LINGO2: variants seen among roughly 807,000 people sequenced by gnomAD.
LINGO2 encodes the protein leucine-rich repeat and immunoglobulin-like domain-containing nogo receptor-interacting protein 2.
A neutral mutation model predicts 30.6 loss-of-function variants in LINGO2; 14 were observed. That is an observed-to-expected ratio of 0.46 (90% CI 0.30 to 0.72). The LOEUF (loss-of-function observed/expected upper bound fraction) is 0.72. Among genes scored for constraint, LINGO2 ranks in the 30% least tolerant of loss-of-function variants. LINGO2 has a pLI of 0.07. For synonymous variants in LINGO2, 317 were observed against 288.5 expected (o/e 1.10, Z -1.00); for missense variants, 729 against 751.7 (o/e 0.97, Z 0.35).
the LINGO2 span, among the ~76,000 whole-genome samples, chr9:29,151,993 A>T: frequency 6.6e-6 from 1 of 152,212 alleles, no homozygotes; most frequent in Non-Finnish European, 1.5e-5. Flanking sequence ...CCCACTAAAA[A>T]GTGGACAAAA....
At chr9:28,609,050 T>C (rs922952566) in intron 1 of LINGO2, among the ~76,000 whole-genome samples, 4 of 151,886 alleles carry the variant, frequency 2.6e-5, no homozygotes, top group African/African-American at 9.7e-5. Context: ...ATCAGATATG[T>C]CCATATACCT....
chr9:29,180,536 C>A, the LINGO2 span, among the ~76,000 whole-genome samples: 4 of 152,150 alleles, frequency 2.6e-5, no homozygotes, highest in African/African-American at 7.2e-5. Context: ...GTCTCTCCTG[C>A]ATTCTTAATC....
rs146124113 is a variant in LINGO2, at chr9:28,161,484, A to G, written c.-87+133724T>C. 2.6e-3 allele frequency among the ~76,000 whole-genome samples: 403 copies of G among 152,318 alleles called. 2 individuals are homozygous for G. The highest frequency in any genetic ancestry group is 6.8e-3 in the Middle Eastern group (2 of 294). On this transcript the variant is annotated intron_variant, in intron 4 of 5. Coordinates refer to ENST00000379992, the Ensembl canonical transcript of LINGO2. ...AAGTATATAATTTAAACACAACCTT[A>G]TTAAAAATTATTTAGTATAAGTGTA...
At chr9:28,222,844 C>A (rs572107268) in intron 4 of LINGO2, among the ~76,000 whole-genome samples, 2 of 151,886 alleles carry the variant, frequency 1.3e-5, no homozygotes, top group Non-Finnish European at 1.5e-5. Context: ...GAAGAGGGGG[C>A]GATTACATAC....
chr9:28,051,686 CCA>C (rs780171873), intron 4 of LINGO2, among the ~76,000 whole-genome samples: 5 of 152,070 alleles, frequency 3.3e-5, no homozygotes, highest in Admixed American at 6.6e-5. Context: ...TAGATTCCAA[CCA>C]CAGTCATTCA....
At chr9:29,031,889 A>G in the LINGO2 span, among the ~76,000 whole-genome samples, 1 of 152,178 alleles carries the variant, frequency 6.6e-6, no homozygotes, top group Non-Finnish European at 1.5e-5. Flanking sequence ...CTCCAGTTTC[A>G]ATTTCATAGG....
chr9:28,953,378 T>A, the LINGO2 span, among the ~76,000 whole-genome samples: 1 of 152,140 alleles, frequency 6.6e-6, no homozygotes, highest in Non-Finnish European at 1.5e-5. Flanking sequence ...ATATAAATTT[T>A]CATTTATCAT....
intron 4 of LINGO2, among the ~76,000 whole-genome samples, chr9:28,132,070 A>G (rs1338813807): frequency 1.3e-5 from 2 of 152,184 alleles, no homozygotes; most frequent in Non-Finnish European, 2.9e-5. Context: ...AAGTAGTATA[A>G]TTATACTTGT....
At chr9:28,616,555 A>T (rs1231481263) in intron 1 of LINGO2, among the ~76,000 whole-genome samples, 1 of 152,230 alleles carries the variant, frequency 6.6e-6, no homozygotes, top group Non-Finnish European at 1.5e-5. Context: ...AGTTTGAGCC[A>T]TGTGTATGAG....
chr9:28,369,315 T>G (rs1820808452), intron 3 of LINGO2, among the ~76,000 whole-genome samples: 1 of 152,222 alleles, frequency 6.6e-6, no homozygotes, highest in Admixed American at 6.5e-5. Flanking sequence ...TCTTGATTAC[T>G]TTGTCCTTGG....
At chr9:28,086,113 C>G (rs1825906325) in intron 4 of LINGO2, among the ~76,000 whole-genome samples, 1 of 152,162 alleles carries the variant, frequency 6.6e-6, no homozygotes, top group Non-Finnish European at 1.5e-5. Context: ...TAGCAGTTAA[C>G]AGTGGGAGGG....
the LINGO2 span, among the ~76,000 whole-genome samples, chr9:29,173,899 T>C: frequency 6.6e-6 from 1 of 152,148 alleles, no homozygotes; most frequent in African/African-American, 2.4e-5. Context: ...TTTACAACAT[T>C]GGCACACAGA....
At chr9:28,512,577 C>T (rs984019758) in intron 1 of LINGO2, among the ~76,000 whole-genome samples, 1 of 114,676 alleles carries the variant, frequency 8.7e-6, no homozygotes, top group Admixed American at 9.4e-5. Context: ...ACAGAACTAA[C>T]AGGATATATA....
chr9:28,117,194 G>C lies in LINGO2; in HGVS notation c.-86-104789C>G, dbSNP rs373564854. ...CATGTGAGGTGTCAGTGTGCCCCTG[G>C]TGGGGGGTGCCTCCCAGTTAGGCTG... is the stretch of plus-strand genomic sequence containing the variant. On this transcript the variant is annotated intron_variant, in intron 4 of 5. Coordinates refer to ENST00000379992, the Ensembl canonical transcript of LINGO2. Among the ~76,000 whole-genome samples the C allele has an allele frequency of 1.1e-3, 172 of 151,672 alleles. 2 individuals carry two copies. In the South Asian group the frequency reaches 0.011, roughly 10 times the overall value.
intron 3 of LINGO2, among the ~76,000 whole-genome samples, chr9:28,355,315 C>CTGTCTCTG (rs1564145615): frequency 1.4e-5 from 2 of 140,946 alleles, no homozygotes; most frequent in African/African-American, 2.6e-5. Flanking sequence ...CTCTCTCTCT[C>CTGTCTCTG]TCTCTCTCTC....
chr9:28,379,545 C>G (rs778808972), intron 2 of LINGO2, among the ~76,000 whole-genome samples: 4 of 152,056 alleles, frequency 2.6e-5, no homozygotes, highest in Non-Finnish European at 5.9e-5. Context: ...CTCCCCAAAA[C>G]AAAACCAGCA....
intron 4 of LINGO2, among the ~76,000 whole-genome samples, chr9:28,049,266 C>A (rs999000300): frequency 1.1e-4 from 16 of 150,610 alleles, no homozygotes; most frequent in Admixed American, 1.0e-3. Flanking sequence ...ACAAGAATAA[C>A]CCAATATATC....
At chr9:28,133,915 T>C (rs1827443511) in intron 4 of LINGO2, among the ~76,000 whole-genome samples, 1 of 152,182 alleles carries the variant, frequency 6.6e-6, no homozygotes, top group Admixed American at 6.5e-5. Flanking sequence ...GGCATTTCCT[T>C]ACAGATGTCT....
the LINGO2 span, among the ~76,000 whole-genome samples, chr9:28,693,883 T>C: frequency 6.6e-6 from 1 of 152,038 alleles, no homozygotes; most frequent in South Asian, 2.1e-4. Context: ...GTGATAGCAC[T>C]TACTGGAAGT....
Sources: gnomAD v4.1 joint callset for allele counts (sites outside exome capture counted in the v4.1 genomes callset) on GRCh38, gnomAD v4.1.1 for gene constraint, MANE v1.5 for transcripts, NCBI Gene and HGNC (gene_info 2026-07-23, HGNC 2026-07-21) for gene names.